Variants in DCC observed in about 807,000 individuals in gnomAD.
DCC encodes the protein DCC netrin 1 receptor, also known as netrin receptor DCC.
DCC carries 58 observed loss-of-function variants against 172.5 expected under a neutral mutation model. That is an observed-to-expected ratio of 0.34 (90% confidence interval 0.27 to 0.42). DCC has a LOEUF of 0.42. Ranked by LOEUF, DCC falls within the 10% of genes least tolerant of loss-of-function variation. The probability of loss-of-function intolerance (pLI) is 1.00; values close to 1 mark genes in which losing one functional copy is unlikely to be tolerated. For synonymous variants in DCC, 709 were observed against 644.5 expected (o/e 1.10, Z -1.52); for missense variants, 1,740 against 1,791.0 (o/e 0.97, Z 0.51).
intron 13 of DCC, among the ~76,000 whole-genome samples, chr18:53,306,448 CA>C (rs1393744815): frequency 1.3e-5 from 2 of 152,142 alleles, no homozygotes; most frequent in African/African-American, 4.8e-5. Context: ...GAAGAGAAAA[CA>C]GATAATGGTG....
At chr18:53,128,882 T>C (rs796151716) in intron 7 of DCC, among the ~76,000 whole-genome samples, 29,799 of 96,992 alleles carry the variant, frequency 0.31, 4,154 homozygotes, top group South Asian at 0.48. Context: ...TATATATATA[T>C]ATATATATAT....
At chr18:52,940,672 A>T (rs1056704795) in intron 5 of DCC, among the ~76,000 whole-genome samples, 1 of 152,198 alleles carries the variant, frequency 6.6e-6, no homozygotes, top group East Asian at 1.9e-4. Flanking sequence ...GTGTAATTTA[A>T]TATATCTAGG....
At chr18:53,140,223 A>G (rs1022646213) in intron 7 of DCC, among the ~76,000 whole-genome samples, 1 of 152,140 alleles carries the variant, frequency 6.6e-6, no homozygotes, top group African/African-American at 2.4e-5. Flanking sequence ...GTCTTGGTGA[A>G]ACAGATTTGC....
At chr18:53,099,599 T>TTAA (rs749389776) in intron 7 of DCC, among the ~76,000 whole-genome samples, 135 of 152,220 alleles carry the variant, frequency 8.9e-4, no homozygotes, top group Non-Finnish European at 1.2e-3. Flanking sequence ...GCCCAGTTCT[T>TTAA]TAATAATAAT....
At chr18:53,208,009 A>T (rs1420869536) in intron 11 of DCC, among the ~76,000 whole-genome samples, 192 bp downstream of exon 11, 2 of 152,086 alleles carry the variant, frequency 1.3e-5, no homozygotes, top group African/African-American at 4.8e-5. Context: ...CACACAGGTA[A>T]TCCTAGCACT....
At chr18:52,783,373 G>T (rs1219065038) in intron 2 of DCC, among the ~76,000 whole-genome samples, 1 of 90,532 alleles carries the variant, frequency 1.1e-5, no homozygotes, top group Non-Finnish European at 2.1e-5. Context: ...CAACACAAAG[G>T]TTGAAGTACA....
At chr18:52,954,329 AAAT>A (rs910780592) in intron 5 of DCC, among the ~76,000 whole-genome samples, 9 of 152,154 alleles carry the variant, frequency 5.9e-5, no homozygotes, top group African/African-American at 1.4e-4. Context: ...TTTGGAGATG[AAAT>A]AATCATACTG....
chr18:53,513,299 A>G (rs2046282736), intron 27 of DCC, among the ~76,000 whole-genome samples: 2 of 152,114 alleles, frequency 1.3e-5, no homozygotes, highest in Admixed American at 6.5e-5. Flanking sequence ...CCCTAAAAGA[A>G]CTCCTGAAGG....
chr18:53,319,467 T>C (rs2057382791), intron 13 of DCC, among the ~76,000 whole-genome samples: 1 of 152,050 alleles, frequency 6.6e-6, no homozygotes, highest in Non-Finnish European at 1.5e-5. Context: ...GGGGTTGCAA[T>C]CCTAATCTCT....
intron 25 of DCC, among the ~76,000 whole-genome samples, chr18:53,477,937 A>T (rs1451894491): frequency 6.6e-6 from 1 of 152,238 alleles, no homozygotes; most frequent in East Asian, 1.9e-4. Flanking sequence ...GACTATTTGT[A>T]TAATGGCCAA....
chr18:52,797,917 G>T (rs1214723099), intron 2 of DCC, among the ~76,000 whole-genome samples: 3 of 152,240 alleles, frequency 2.0e-5, no homozygotes, highest in Non-Finnish European at 2.9e-5. Flanking sequence ...AATAGCAGTT[G>T]CAGTGGTGTG....
chr18:52,916,168 A>T (rs2040036538), intron 3 of DCC, among the ~76,000 whole-genome samples: 1 of 151,706 alleles, frequency 6.6e-6, no homozygotes, highest in Non-Finnish European at 1.5e-5. Flanking sequence ...TGCATGGTAA[A>T]CACTTCTGAG....
chr18:52,542,976 G>A (rs1013794304), intron 1 of DCC, among the ~76,000 whole-genome samples: 7 of 152,186 alleles, frequency 4.6e-5, no homozygotes, highest in Admixed American at 1.3e-4. Flanking sequence ...GGCTTAACCT[G>A]CCCTTTAGTT....
At chr18:53,055,950 C>T (rs916351041) in intron 5 of DCC, among the ~76,000 whole-genome samples, 6 of 152,072 alleles carry the variant, frequency 3.9e-5, no homozygotes, top group East Asian at 3.9e-4. Context: ...TTGCATTTCT[C>T]ATCTCACACT....
chr18:52,481,353 G>A (rs1233079076), intron 1 of DCC, among the ~76,000 whole-genome samples: 1 of 150,386 alleles, frequency 6.6e-6, no homozygotes, highest in Non-Finnish European at 1.5e-5. Context: ...TGCAATCCTG[G>A]GAGTGGTGCT....
At chr18:52,786,995 T>C (rs886867588) in intron 2 of DCC, among the ~76,000 whole-genome samples, 5 of 152,152 alleles carry the variant, frequency 3.3e-5, no homozygotes, top group African/African-American at 4.8e-5. Flanking sequence ...TACTCACAGA[T>C]AGTTTCCAAT....
At chr18:53,387,644 C>A (rs17505156) in intron 16 of DCC, among the ~76,000 whole-genome samples, 1 of 151,980 alleles carries the variant, frequency 6.6e-6, no homozygotes, top group African/African-American at 2.4e-5. Flanking sequence ...AACTTTATTC[C>A]CTTGCTCTGC....
rs565160322 is a variant in DCC at position 53,405,588 on chromosome 18, T to A, written c.2935+2695T>A. Among the ~76,000 whole-genome samples, 24 of 152,270 alleles carry A rather than the reference T, an allele frequency of 1.6e-4. No homozygotes were observed. The East Asian group carries it at 4.6e-3, about 29-fold the overall frequency. ...TTTATACAGAATCCAGATCATCAGT[T>A]TTTAAATATAAGTACTCAAAAAGAT... is the stretch of plus-strand genomic sequence containing the variant. On this transcript the variant is annotated intron_variant, in intron 19 of 28. Transcript: ENST00000442544.
intron 1 of DCC, among the ~76,000 whole-genome samples, chr18:52,576,702 C>T (rs535056159): frequency 2.2e-4 from 34 of 151,702 alleles, no homozygotes; most frequent in Non-Finnish European, 3.4e-4. Context: ...TGGTGGTGGG[C>T]GCCTATTGTG....
Sources: gnomAD v4.1 joint callset for allele counts (sites outside exome capture counted in the v4.1 genomes callset) on GRCh38, gnomAD v4.1.1 for gene constraint, MANE v1.5 for transcripts, NCBI Gene and HGNC (gene_info 2026-07-23, HGNC 2026-07-21) for gene names.